LPAR1: variants seen among roughly 807,000 people sequenced by gnomAD.
The protein encoded by LPAR1 is lysophosphatidic acid receptor 1, also known as LPA receptor 1.
Under a neutral mutation model 23.8 loss-of-function variants are expected in LPAR1, and 5 were observed. The ratio of observed to expected loss-of-function variants is 0.21; its 90% CI spans 0.11 to 0.44. The LOEUF (loss-of-function observed/expected upper bound fraction) is 0.44, where lower values mean the gene tolerates loss of function less well. Ranked by LOEUF, LPAR1 falls within the 20% of genes least tolerant of loss-of-function variation. The probability of loss-of-function intolerance (pLI) is 0.99; values close to 1 mark genes in which losing one functional copy is unlikely to be tolerated. For synonymous variants in LPAR1, 160 were observed against 164.7 expected (o/e 0.97, Z 0.22); for missense variants, 311 against 482.8 (o/e 0.64, Z 3.33).
intron 5 of LPAR1, among the ~76,000 whole-genome samples, chr9:110,913,955 C>T (rs1036007603): frequency 1.3e-5 from 2 of 152,162 alleles, no homozygotes; most frequent in Non-Finnish European, 2.9e-5. Context: ...GAACAAGACA[C>T]GTCCAAGCTT....
chr9:110,907,166 T>C (rs1258444044), intron 5 of LPAR1, among the ~76,000 whole-genome samples: 2 of 152,166 alleles, frequency 1.3e-5, no homozygotes, highest in African/African-American at 4.8e-5. Flanking sequence ...ATTTAAGAAT[T>C]TGATGGCCCT....
chr9:110,877,040 G>A (rs1217488049), intron 5 of LPAR1, among the ~76,000 whole-genome samples: 1 of 152,166 alleles, frequency 6.6e-6, no homozygotes, highest in African/African-American at 2.4e-5. Flanking sequence ...AGGCAGAGCG[G>A]AAGTAGGAGC....
chr9:110,987,546 C>G (rs1443666772), intron 2 of LPAR1, among the ~76,000 whole-genome samples: 2 of 151,608 alleles, frequency 1.3e-5, no homozygotes, highest in African/African-American at 4.8e-5. Context: ...TCAGCTGGCT[C>G]TACATGAATT....
intron 4 of LPAR1, among the ~76,000 whole-genome samples, chr9:110,945,087 A>G (rs565531827): frequency 3.6e-4 from 55 of 152,310 alleles, no homozygotes; most frequent in African/African-American, 1.3e-3. Flanking sequence ...GAACTGATAG[A>G]GGAATTAAAC....
At chr9:110,888,865 G>A (rs747888073) in intron 5 of LPAR1, among the ~76,000 whole-genome samples, 1 of 152,114 alleles carries the variant, frequency 6.6e-6, no homozygotes, top group Non-Finnish European at 1.5e-5. Context: ...AAAAATACCT[G>A]AAAACTGAAA....
intron 2 of LPAR1, among the ~76,000 whole-genome samples, chr9:111,004,416 C>G (rs1425182696): frequency 6.6e-6 from 1 of 152,142 alleles, no homozygotes; most frequent in Non-Finnish European, 1.5e-5. Flanking sequence ...CTTTTCAAGG[C>G]CCAGGATACT....
chr9:110,938,989 C>A (rs2136054839), intron 5 of LPAR1, among the ~76,000 whole-genome samples: 1 of 152,328 alleles, frequency 6.6e-6, no homozygotes, highest in Middle Eastern at 3.4e-3. Context: ...GGTCACTTGG[C>A]TGTACACTGT....
At chr9:110,925,400 A>G (rs2093938581) in intron 5 of LPAR1, among the ~76,000 whole-genome samples, 1 of 152,270 alleles carries the variant, frequency 6.6e-6, no homozygotes, top group African/African-American at 2.4e-5. Context: ...TGGCTTTGGA[A>G]GATTGTATGA....
At chr9:110,952,850 T>C (rs1183476208) in intron 4 of LPAR1, among the ~76,000 whole-genome samples, 1 of 151,968 alleles carries the variant, frequency 6.6e-6, no homozygotes, top group East Asian at 1.9e-4. Flanking sequence ...CTGGCCCAGC[T>C]CCACTGTCTA....
chr9:110,919,220 ATCTCTCCCTCCC>A (rs2093435756), intron 5 of LPAR1, among the ~76,000 whole-genome samples: 1 of 151,822 alleles, frequency 6.6e-6, no homozygotes, highest in Non-Finnish European at 1.5e-5. Flanking sequence ...CTCTCCCTCT[ATCTCTCCCTCCC>A]TCTCTCCCTC....
chr9:111,012,527 G>A (rs1172065719), intron 2 of LPAR1, among the ~76,000 whole-genome samples: 1 of 151,650 alleles, frequency 6.6e-6, no homozygotes. Context: ...GTCCACAAAA[G>A]CAGAATTGAA....
chr9:110,948,385 C>T (rs1193099849), intron 4 of LPAR1, among the ~76,000 whole-genome samples: 1 of 152,030 alleles, frequency 6.6e-6, no homozygotes, highest in South Asian at 2.1e-4. Context: ...TACTTAAAAT[C>T]GCTGAAGAAT....
chr9:110,882,544 C>T (rs565343958), intron 5 of LPAR1, among the ~76,000 whole-genome samples: 7 of 152,308 alleles, frequency 4.6e-5, no homozygotes, highest in African/African-American at 1.7e-4. Flanking sequence ...TGGAACAATT[C>T]CTACACACTT....
chr9:110,891,361 C>A (rs1462703741), intron 5 of LPAR1, among the ~76,000 whole-genome samples: 1 of 152,086 alleles, frequency 6.6e-6, no homozygotes, highest in Non-Finnish European at 1.5e-5. Flanking sequence ...GTACCATATT[C>A]TTGAAGGGGA....
At chr9:111,016,688 T>C (rs2097453891) in intron 2 of LPAR1, among the ~76,000 whole-genome samples, 1 of 152,186 alleles carries the variant, frequency 6.6e-6, no homozygotes, top group Non-Finnish European at 1.5e-5. Context: ...TGCTACTCAG[T>C]TCTTATCAAA....
intron 5 of LPAR1, among the ~76,000 whole-genome samples, chr9:110,884,612 C>A (rs7029898): frequency 0.025 from 3,825 of 152,254 alleles, 161 homozygotes; most frequent in African/African-American, 0.087. Flanking sequence ...AAATATTTTT[C>A]TCATCCTCTC....
Position 110,934,976 on chromosome 9 carries a change from T to C in LPAR1, c.793+6445A>G, listed in dbSNP as rs1278570814. 2.0e-5 allele frequency among the ~76,000 whole-genome samples: 3 copies of C among 152,190 alleles called. No homozygotes were observed. The East Asian group carries it at 5.8e-4, about 29-fold the overall frequency. ...TGCTAATATATGTGAAAAGCTACTA[T>C]ATGTGATGCTAATAATGTACAAGCG... On this transcript the variant is annotated intron_variant, in intron 5 of 5. Transcript: ENST00000683809.
chr9:110,978,552 T>G (rs1310186059), intron 2 of LPAR1, among the ~76,000 whole-genome samples: 1 of 152,224 alleles, frequency 6.6e-6, no homozygotes, highest in Non-Finnish European at 1.5e-5. Context: ...TATGTATCAT[T>G]CTTCAGAGAG....
At chr9:110,994,377 T>C (rs1297218086) in intron 2 of LPAR1, among the ~76,000 whole-genome samples, 1 of 152,194 alleles carries the variant, frequency 6.6e-6, no homozygotes, top group African/African-American at 2.4e-5. Context: ...GATCCTTCAC[T>C]ATCAAGGATA....
Sources: allele counts gnomAD v4.1 joint callset (sites outside exome capture counted in the v4.1 genomes callset), GRCh38; gene constraint gnomAD v4.1.1; transcripts MANE v1.5; gene names NCBI Gene and HGNC (gene_info 2026-07-23, HGNC 2026-07-21).